CA1: variants seen among roughly 807,000 people sequenced by gnomAD.
CA1 encodes the protein carbonic anhydrase 1, also known as carbonate dehydratase I.
CA1 carries 27 observed loss-of-function variants against 28.8 expected under a neutral mutation model. That is an observed-to-expected ratio of 0.94 (90% CI 0.69 to 1.29). The LOEUF (loss-of-function observed/expected upper bound fraction) is 1.29, where lower values mean the gene tolerates loss of function less well. Ranked by LOEUF, CA1 falls within the 50% of genes most tolerant of loss-of-function variation. CA1 has a pLI of 0.00. For synonymous variants in CA1, 121 were observed against 108.8 expected, an observed-to-expected ratio of 1.11 and a Z score of -0.70; for missense variants, 335 against 310.5, an observed-to-expected ratio of 1.08 and a Z score of -0.59.
chr8:85,366,167 T>A (rs1483336184), intron 1 of CA1, among the ~76,000 whole-genome samples: 1 of 137,136 alleles, frequency 7.3e-6, no homozygotes, highest in Non-Finnish European at 1.6e-5. Flanking sequence ...TTCTTCCCCT[T>A]TTTTTTTTTT....
chr8:85,332,283 C>T, intron 6 of CA1: 2 of 537,728 alleles, frequency 3.7e-6, no homozygotes, highest in Non-Finnish European at 6.7e-6. Context: ...ATAAATAAAC[C>T]ATAACTATGA....
intron 1 of CA1, among the ~76,000 whole-genome samples, chr8:85,344,235 A>AC (rs1491407644): frequency 9.9e-6 from 1 of 100,932 alleles, no homozygotes; most frequent in Non-Finnish European, 1.8e-5. Flanking sequence ...TACAGTATAT[A>AC]ATATATAATT....
intron 4 of CA1, among the ~76,000 whole-genome samples, chr8:85,334,982 T>G (rs919362068): frequency 2.8e-5 from 4 of 144,750 alleles, no homozygotes; most frequent in Non-Finnish European, 6.0e-5. Flanking sequence ...AGAGCAAGAC[T>G]CTTTCTCAAA....
chr8:85,365,769 G>A, intron 1 of CA1, among the ~76,000 whole-genome samples: 1 of 152,178 alleles, frequency 6.6e-6, no homozygotes, highest in East Asian at 1.9e-4. Flanking sequence ...TATTGGGACA[G>A]ATGACAATTT....
intron 1 of CA1, among the ~76,000 whole-genome samples, chr8:85,346,534 G>A (rs545965505): frequency 8.5e-5 from 13 of 152,218 alleles, no homozygotes; most frequent in Admixed American, 2.0e-4. Context: ...AGCTGAGACC[G>A]GTGGATCACC....
chr8:85,363,864 C>G lies in CA1; in HGVS notation c.-25+14182G>C, dbSNP rs186838936. 4.8e-3 allele frequency among the ~76,000 whole-genome samples: 736 copies of G among 152,320 alleles called. 3 individuals are homozygous for G. Among genetic ancestry groups the G allele is most frequent in the Non-Finnish European group, 7.8e-3 (529 of 68,026 alleles). The stretch of plus-strand genomic sequence containing the variant: ...ATTGCTTTGCATAAAAGGCAAACAC[C>G]ACCACCTAGCAGGCAAGGGCCTCAG... On this transcript the variant is annotated intron_variant, in intron 1 of 7. Transcript: ENST00000523022.
chr8:85,338,998 G>C (rs1808803078), intron 2 of CA1, among the ~76,000 whole-genome samples: 1 of 151,964 alleles, frequency 6.6e-6, no homozygotes, highest in Admixed American at 6.6e-5. Flanking sequence ...TTACAAGCAT[G>C]AGCCACTGCA....
chr8:85,334,161 A>G (rs1194213603), intron 4 of CA1, among the ~76,000 whole-genome samples: 1 of 152,212 alleles, frequency 6.6e-6, no homozygotes, highest in Non-Finnish European at 1.5e-5. Flanking sequence ...TATTCTTGAT[A>G]TCTCTACATG....
intron 5 of CA1, among the ~76,000 whole-genome samples, 182 bp downstream of exon 5, chr8:85,333,343 G>C (rs1277720556): frequency 6.6e-6 from 1 of 152,156 alleles, no homozygotes; most frequent in African/African-American, 2.4e-5. Flanking sequence ...CTTTAAGAGG[G>C]AAAAGCAGAG....
chr8:85,338,541 G>A, intron 2 of CA1, 92 bp from the exon 3 acceptor site: 1 of 956,442 alleles, frequency 1.0e-6, no homozygotes, highest in South Asian at 1.3e-5. Flanking sequence ...TATTAGATTA[G>A]GGTTTATTTC....
intron 1 of CA1, among the ~76,000 whole-genome samples, chr8:85,377,043 A>G (rs1368006215): frequency 1.3e-5 from 2 of 152,210 alleles, no homozygotes; most frequent in Non-Finnish European, 1.5e-5. Flanking sequence ...ATATTAACAC[A>G]TTTGTATTAA....
intron 1 of CA1, among the ~76,000 whole-genome samples, chr8:85,364,395 G>A (rs1037972128): frequency 2.0e-5 from 3 of 152,160 alleles, no homozygotes; most frequent in African/African-American, 7.2e-5. Context: ...ATATTTATGT[G>A]TATACTTGTC....
At chr8:85,333,430 G>T in intron 5 of CA1, 95 bp downstream of exon 5, 1 of 789,410 alleles carries the variant, frequency 1.3e-6, no homozygotes, top group East Asian at 2.7e-5. Flanking sequence ...TTTAAAATAA[G>T]AAATTCTAAA....
chr8:85,374,008 A>G (rs1342556532), intron 1 of CA1, among the ~76,000 whole-genome samples: 1 of 152,164 alleles, frequency 6.6e-6, no homozygotes, highest in African/African-American at 2.4e-5. Context: ...ATGATGCGCG[A>G]TGGGGGTTGC....
intron 1 of CA1, among the ~76,000 whole-genome samples, chr8:85,366,798 C>A (rs1443581709): frequency 6.6e-6 from 1 of 152,158 alleles, no homozygotes; most frequent in East Asian, 1.9e-4. Flanking sequence ...AGAGCAATGG[C>A]ATAATATGAT....
intron 1 of CA1, among the ~76,000 whole-genome samples, chr8:85,350,989 G>C (rs1217608348): frequency 6.6e-6 from 1 of 152,204 alleles, no homozygotes; most frequent in Non-Finnish European, 1.5e-5. Context: ...CAGGCTCCAA[G>C]AGTCCTCATA....
Position 85,328,426 on chromosome 8 carries a change from T to C in CA1, c.*134A>G. On this transcript the variant is annotated 3_prime_UTR_variant, in exon 8 of 8. Coordinates refer to ENST00000523022, the MANE Select transcript of CA1 (RefSeq NM_001128831.4). Reference sequence around the variant, plus strand: ...GAACTAAAATTTAAGTTTCTTAGTTTTACAGATTGATTTGAAGGCATGCTG... The same window carrying C: ...GAACTAAAATTTAAGTTTCTTAGTTCTACAGATTGATTTGAAGGCATGCTG... 1 of 583,312 alleles carries C rather than the reference T, an allele frequency of 1.7e-6. No individual in the cohort carries two copies. Among genetic ancestry groups the C allele is most frequent in the Non-Finnish European group, 3.1e-6 (1 of 327,310 alleles). The allele number at this position is 583,312 out of a possible 1,614,324, so 36.1% of individuals were successfully genotyped here.
At chr8:85,367,977 T>G (rs1810073409) in intron 1 of CA1, among the ~76,000 whole-genome samples, 1 of 152,072 alleles carries the variant, frequency 6.6e-6, no homozygotes, top group South Asian at 2.1e-4. Context: ...GAAAATTATT[T>G]ATATGTATTA....
intron 1 of CA1, among the ~76,000 whole-genome samples, chr8:85,372,986 G>A (rs980076740): frequency 6.6e-6 from 1 of 152,224 alleles, no homozygotes; most frequent in African/African-American, 2.4e-5. Context: ...ATATGCCAAA[G>A]AGAAGCCATC....
Sources: allele counts gnomAD v4.1 joint callset (sites outside exome capture counted in the v4.1 genomes callset), GRCh38; gene constraint gnomAD v4.1.1; transcripts MANE v1.5; gene names NCBI Gene and HGNC (gene_info 2026-07-23, HGNC 2026-07-21).